PCDHGA10: variants seen among roughly 807,000 people sequenced by gnomAD.
PCDHGA10 encodes protocadherin gamma-A10.
In PCDHGA10, 42 loss-of-function variants were observed where a neutral mutation model predicts 59.5. The observed-to-expected ratio is 0.71, with a 90% CI of 0.55 to 0.91. The LOEUF (loss-of-function observed/expected upper bound fraction) is 0.91, where lower values mean the gene tolerates loss of function less well. Ranked by LOEUF, PCDHGA10 falls within the 40% of genes least tolerant of loss-of-function variation. The probability of loss-of-function intolerance (pLI) is 0.00; values close to 1 mark genes in which losing one functional copy is unlikely to be tolerated. For synonymous variants in PCDHGA10, 511 were observed against 517.2 expected (o/e 0.99, Z 0.16); for missense variants, 1,111 against 1,198.2 (o/e 0.93, Z 1.07).
chr5:141,511,711 T>G lies in PCDHGA10; in HGVS notation c.*538T>G. 1 of 185,916 alleles carries G rather than the reference T, an allele frequency of 5.4e-6. No individual in the cohort carries two copies. Among genetic ancestry groups the G allele is most frequent in the South Asian group, 1.1e-4 (1 of 8,818 alleles). The allele number at this position is 185,916 out of a possible 1,614,324, so 11.5% of individuals were successfully genotyped here. A position where few individuals can be genotyped will look rare whatever the true frequency, so the allele number is the denominator to read the frequency against. Reference sequence around the variant, plus strand: ...GTTTGGTGCCAGCCCCTTCACCTCCTTCCAGAGCCCAAGATCAATGCTCAA... The same window carrying G: ...GTTTGGTGCCAGCCCCTTCACCTCCGTCCAGAGCCCAAGATCAATGCTCAA... On this transcript the variant is annotated 3_prime_UTR_variant, in exon 4 of 4. Transcript: ENST00000398610.
At chr5:141,443,872 A>G (rs1446612063) in intron 1 of PCDHGA10, among the ~76,000 whole-genome samples, 1 of 152,212 alleles carries the variant, frequency 6.6e-6, no homozygotes, top group South Asian at 2.1e-4. Context: ...AAAATTACTG[A>G]TAAGTCAAGA....
chr5:141,422,472 G>A lies in PCDHGA10; in HGVS notation c.2436+6861G>A, dbSNP rs772474296. On this transcript the variant is annotated intron_variant, in intron 1 of 3. Transcript: ENST00000398610. ...CAAGCAGAGTGCTGGACAGGGAGTTGGTCCAGAGCTACAATATAACGTTGA... is the reference window on the plus strand; with the variant it reads ...CAAGCAGAGTGCTGGACAGGGAGTTAGTCCAGAGCTACAATATAACGTTGA... 75 of 1,613,562 alleles carry A rather than the reference G, an allele frequency of 4.6e-5. 3 individuals are homozygous for A. In the South Asian group the frequency reaches 8.1e-4, roughly 17 times the overall value.
intron 1 of PCDHGA10, among the ~76,000 whole-genome samples, chr5:141,435,357 T>C (rs749223776): frequency 6.6e-6 from 1 of 152,208 alleles, no homozygotes; most frequent in Non-Finnish European, 1.5e-5. Flanking sequence ...CATTTAAAAT[T>C]TTATCACTTA....
chr5:141,491,368 A>G lies in PCDHGA10; in HGVS notation c.2437-3439A>G. ...CAGTCTCTTATCCCTAGTCACCTTC[A>G]CCTTTCTGTCAGCGAAGTGCCTTCA... On this transcript the variant is annotated intron_variant, in intron 1 of 3. Transcript: ENST00000398610. This position sits in a 1 kb window ranked among gnomAD's most constrained non-coding sequence, Gnocchi z 6.9. 6.2e-7 allele frequency: 1 copy of G among 1,613,842 alleles called. No homozygotes were observed. The highest frequency in any genetic ancestry group is 8.5e-7 in the Non-Finnish European group (1 of 1,179,940).
chr5:141,496,021 G>C lies in PCDHGA10; in HGVS notation c.2495+1156G>C, dbSNP rs1011612662. Among the ~76,000 whole-genome samples, 3 of 151,454 alleles carry C rather than the reference G, an allele frequency of 2.0e-5. No individual in the cohort carries two copies. The East Asian group carries it at 5.8e-4, about 29-fold the overall frequency. ...CTTTTATCTTGTCTTTTTTCTCTGA[G>C]CCTCTGTCTCTGTCTCTCATTTTTT... On this transcript the variant is annotated intron_variant, in intron 2 of 3. Coordinates refer to ENST00000398610, the MANE Select transcript of PCDHGA10 (RefSeq NM_018913.3).
intron 3 of PCDHGA10, among the ~76,000 whole-genome samples, chr5:141,510,556 T>TA (rs2099881668): frequency 6.6e-6 from 1 of 152,178 alleles, no homozygotes; most frequent in African/African-American, 2.4e-5. Flanking sequence ...TTTGAGCACT[T>TA]ACATCTACCA....
intron 1 of PCDHGA10, chr5:141,421,393 G>A: frequency 6.2e-7 from 1 of 1,614,038 alleles, no homozygotes; most frequent in Non-Finnish European, 8.5e-7. Flanking sequence ...CCTGGGGCTG[G>A]AGCCCCGGGA....
At chr5:141,482,755 T>TGAAGTGGGAG (rs1554165462) in intron 1 of PCDHGA10, among the ~76,000 whole-genome samples, 1 of 143,580 alleles carries the variant, frequency 7.0e-6, no homozygotes, top group South Asian at 2.1e-4. Context: ...GGGATTATGG[T>TGAAGTGGGAG]ATTTCATTAT....
At chr5:141,483,937 C>T (rs964918788) in intron 1 of PCDHGA10, among the ~76,000 whole-genome samples, 1 of 130,444 alleles carries the variant, frequency 7.7e-6, no homozygotes, top group African/African-American at 2.9e-5. Flanking sequence ...TAGGTACCTA[C>T]GGTGTGAATT....
chr5:141,421,277 T>C (rs761435958), intron 1 of PCDHGA10: 2 of 1,612,826 alleles, frequency 1.2e-6, no homozygotes, highest in Non-Finnish European at 1.7e-6. Flanking sequence ...CTGCTGCTGC[T>C]GTGCATTTTC....
chr5:141,471,042 C>G (rs2099247416), intron 1 of PCDHGA10, among the ~76,000 whole-genome samples: 1 of 139,088 alleles, frequency 7.2e-6, no homozygotes, highest in South Asian at 2.3e-4. Flanking sequence ...CAAGCCCAAG[C>G]CCTCTTTTTT....
intron 1 of PCDHGA10, chr5:141,423,313 G>T (rs1407028245): frequency 1.2e-6 from 2 of 1,614,184 alleles, no homozygotes; most frequent in Non-Finnish European, 1.7e-6. Context: ...GTACTTGGTG[G>T]TGGCGGTGGC....
chr5:141,431,049 T>C lies in PCDHGA10; in HGVS notation c.2436+15438T>C, dbSNP rs1226000576. On this transcript the variant is annotated intron_variant, in intron 1 of 3. Coordinates refer to ENST00000398610, the MANE Select transcript of PCDHGA10 (RefSeq NM_018913.3). The surrounding 1 kb of genome is among the most constrained non-coding windows in gnomAD (Gnocchi z 4.8). Reference sequence around the variant, plus strand: ...AGGATAGACCGGGAGGAGCTCTGTATGGGGGCCATCAAGTGTCAATTAAAT... The same window carrying C: ...AGGATAGACCGGGAGGAGCTCTGTACGGGGGCCATCAAGTGTCAATTAAAT... The C allele has an allele frequency of 6.2e-7, 1 of 1,614,162 alleles. No homozygotes were observed. Among genetic ancestry groups the C allele is most frequent in the Non-Finnish European group, 8.5e-7 (1 of 1,180,014 alleles).
At chr5:141,506,382 G>T (rs1311307230) in intron 3 of PCDHGA10, among the ~76,000 whole-genome samples, 1 of 151,500 alleles carries the variant, frequency 6.6e-6, no homozygotes, top group East Asian at 1.9e-4. Flanking sequence ...CTGGGAGGTG[G>T]CTGTGGTGAG....
chr5:141,417,771 C>G, intron 1 of PCDHGA10: 1 of 1,456,488 alleles, frequency 6.9e-7, no homozygotes, highest in Non-Finnish European at 9.1e-7. Flanking sequence ...CGGGACTCCT[C>G]CTGTCCTGGG....
chr5:141,505,143 C>G lies in PCDHGA10; in HGVS notation c.2496-250C>G, dbSNP rs578261428. ...CGCCACTGCACTCCAGCCTGGATGA[C>G]AGAGTAAGACCCTGTCTAAAACAAA... On this transcript the variant is annotated intron_variant, in intron 2 of 3. Coordinates refer to ENST00000398610, the MANE Select transcript of PCDHGA10 (RefSeq NM_018913.3). Among the ~76,000 whole-genome samples the G allele has an allele frequency of 3.3e-5, 5 of 152,290 alleles. No homozygotes were observed. The East Asian group carries it at 7.7e-4, about 24-fold the overall frequency.
At chr5:141,433,358 C>CCTGCCTAT (rs1554125966) in intron 1 of PCDHGA10, 1 of 498,106 alleles carries the variant, frequency 2.0e-6, no homozygotes, top group Non-Finnish European at 3.5e-6. Flanking sequence ...CTACTGTCTG[C>CCTGCCTAT]CTATCTATCT....
intron 1 of PCDHGA10, among the ~76,000 whole-genome samples, chr5:141,461,536 T>C (rs1424913303): frequency 1.3e-5 from 2 of 152,240 alleles, no homozygotes; most frequent in Non-Finnish European, 2.9e-5. Context: ...TTCTGGATAC[T>C]AGTCCTTTGT....
chr5:141,423,605 T>G lies in PCDHGA10; in HGVS notation c.2436+7994T>G. The G allele has an allele frequency of 1.6e-5, 26 of 1,612,620 alleles. No individual in the cohort carries two copies. Among genetic ancestry groups the G allele is most frequent in the Non-Finnish European group, 2.0e-5 (24 of 1,179,120 alleles). On this transcript the variant is annotated intron_variant, in intron 1 of 3. Transcript: ENST00000398610. Reference sequence around the variant, plus strand: ...AGCTGTGAGAAAAGCGAGCCACTCTTGATAGCTGAAGACTCAGCTATCATT... The same window carrying G: ...AGCTGTGAGAAAAGCGAGCCACTCTGGATAGCTGAAGACTCAGCTATCATT...
Sources: allele counts gnomAD v4.1 joint callset (sites outside exome capture counted in the v4.1 genomes callset), GRCh38; gene constraint gnomAD v4.1.1; non-coding constraint Gnocchi (gnomAD v3.1); transcripts MANE v1.5; gene names NCBI Gene and HGNC (gene_info 2026-07-23, HGNC 2026-07-21).